The following NUP98 variants were observed in gnomAD, a reference collection of about 807,000 sequenced individuals.
NUP98 encodes nucleoporin 98 and 96 precursor.
A neutral mutation model predicts 191.9 loss-of-function variants in NUP98; 26 were observed. The ratio of observed to expected loss-of-function variants is 0.14; its 90% CI spans 0.10 to 0.19. The LOEUF (loss-of-function observed/expected upper bound fraction) is 0.19, where lower values mean the gene tolerates loss of function less well. Ranked by LOEUF, NUP98 falls within the 10% of genes least tolerant of loss-of-function variation. The probability of loss-of-function intolerance (pLI) is 1.00; values close to 1 mark genes in which losing one functional copy is unlikely to be tolerated. For synonymous variants in NUP98, 808 were observed against 778.4 expected (o/e 1.04, Z -0.63); for missense variants, 1,941 against 2,178.8 (o/e 0.89, Z 2.17).
intron 29 of NUP98, among the ~76,000 whole-genome samples, chr11:3,684,241 T>A (rs925915322): frequency 6.6e-6 from 1 of 151,256 alleles, no homozygotes; most frequent in Non-Finnish European, 1.5e-5. Flanking sequence ...AACAAACACA[T>A]AGCATTAATT....
chr11:3,740,436 G>A (rs143974499), intron 12 of NUP98, among the ~76,000 whole-genome samples: 2,268 of 151,924 alleles, frequency 0.015, 37 homozygotes, highest in Non-Finnish European at 0.026. Context: ...ACTTGAACCT[G>A]GGAGGCGAAG....
chr11:3,681,501 G>A lies in NUP98; in HGVS notation c.4918+1699C>T, dbSNP rs1212996298. Among the ~76,000 whole-genome samples, 5 of 152,312 alleles carry A rather than the reference G, an allele frequency of 3.3e-5. No homozygotes were observed. In the East Asian group the frequency reaches 9.6e-4, roughly 29 times the overall value. The stretch of plus-strand genomic sequence containing the variant: ...TGAATTACTCCTTTGCCCATGGGTT[G>A]CAGAGTAGATGTGTTAGCAGGCATA... On this transcript the variant is annotated intron_variant, in intron 30 of 32. Transcript: ENST00000324932.
At chr11:3,774,449 G>A (rs1415264774) in intron 5 of NUP98, among the ~76,000 whole-genome samples, 2 of 151,530 alleles carry the variant, frequency 1.3e-5, no homozygotes, top group African/African-American at 2.4e-5. Flanking sequence ...AACTGGCCAG[G>A]CGCAGTGGCT....
rs1056237529 is a variant in NUP98, at chr11:3,702,723, G to A, written c.3252C>T (p.Ala1084=). The change falls in exon 23 of 33, where the codon GCC becomes GCT. Residue 1084 remains alanine (A), a synonymous_variant. Transcript: ENST00000324932. ...LTSVFTMPSP[A]PEVPLKTVGT... is the part of the protein sequence containing the mutation. Reference sequence around the variant, plus strand: ...CCACTGTTTTCAACGGAACCTCAGGGGCTGGGCTGGGCATTGTGAACACAG... The same window carrying A: ...CCACTGTTTTCAACGGAACCTCAGGAGCTGGGCTGGGCATTGTGAACACAG... 1.2e-6 allele frequency: 2 copies of A among 1,614,066 alleles called. No individual in the cohort carries two copies. Among genetic ancestry groups the A allele is most frequent in the African/African-American group, 2.7e-5 (2 of 75,040 alleles).
chr11:3,749,081 G>T (rs2080629947), intron 11 of NUP98, among the ~76,000 whole-genome samples: 1 of 151,756 alleles, frequency 6.6e-6, no homozygotes, highest in Non-Finnish European at 1.5e-5. Context: ...GGCCGAGGCG[G>T]GTGGATCATG....
intron 28 of NUP98, among the ~76,000 whole-genome samples, chr11:3,687,940 T>G (rs2078178957): frequency 6.6e-6 from 1 of 152,004 alleles, no homozygotes; most frequent in South Asian, 2.1e-4. Flanking sequence ...GTACAGATGG[T>G]AAATAAGCAC....
chr11:3,701,389 G>A (rs750054658), intron 23 of NUP98, among the ~76,000 whole-genome samples: 1 of 151,272 alleles, frequency 6.6e-6, no homozygotes. Context: ...AGTCTCCTGA[G>A]TAGCTGGGAT....
At chr11:3,702,360 CTCTCTCTCTA>C (rs1375560915) in intron 23 of NUP98, 93 bp downstream of exon 23, 12 of 576,992 alleles carry the variant, frequency 2.1e-5, no homozygotes, top group South Asian at 7.8e-5. Flanking sequence ...CTCTCTCTCT[CTCTCTCTCTA>C]GAAAGATGAC....
chr11:3,726,816 C>T (rs931148579), intron 14 of NUP98, among the ~76,000 whole-genome samples: 4 of 150,406 alleles, frequency 2.7e-5, no homozygotes, highest in African/African-American at 7.4e-5. Flanking sequence ...GGCTGGAGTA[C>T]AGTGGTGGTA....
At chr11:3,755,446 C>G (rs1370468313) in intron 10 of NUP98, among the ~76,000 whole-genome samples, 1 of 151,238 alleles carries the variant, frequency 6.6e-6, no homozygotes, top group African/African-American at 2.4e-5. Flanking sequence ...GCCTGGGCAA[C>G]AGAGCAAGAC....
intron 20 of NUP98, among the ~76,000 whole-genome samples, chr11:3,708,424 T>C (rs531858814): frequency 6.6e-6 from 1 of 152,220 alleles, no homozygotes; most frequent in African/African-American, 2.4e-5. Flanking sequence ...AATAACCAGA[T>C]TAGAGACCTA....
intron 2 of NUP98, among the ~76,000 whole-genome samples, chr11:3,780,100 C>G (rs998086253): frequency 6.6e-6 from 1 of 152,066 alleles, no homozygotes; most frequent in African/African-American, 2.4e-5. Flanking sequence ...GATTCTAATT[C>G]CATAGTTTTT....
In NUP98 at chr11:3,676,504, C is replaced by T. The variant is rs189740300; in HGVS notation, c.5185+5G>A. The T allele has an allele frequency of 1.2e-6, 2 of 1,612,870 alleles. No homozygotes were observed. Among genetic ancestry groups the T allele is most frequent in the East Asian group, 4.5e-5 (2 of 44,876 alleles). ...GCAGAAAGAGTGAGGAGGTTAGAGG[C>T]TTACCTGACTGAGCCAGGCGATCTT... is the stretch of plus-strand genomic sequence containing the variant. On this transcript the variant is annotated splice_donor_5th_base_variant and intron_variant, in intron 32 of 32. Transcript: ENST00000324932.
At chr11:3,719,062 G>A (rs2079292905) in intron 18 of NUP98, among the ~76,000 whole-genome samples, 1 of 151,748 alleles carries the variant, frequency 6.6e-6, no homozygotes, top group Non-Finnish European at 1.5e-5. Flanking sequence ...GGAGGTTGCA[G>A]TGAACTGACA....
chr11:3,722,391 C>G (rs967785416), intron 16 of NUP98, among the ~76,000 whole-genome samples: 1 of 151,958 alleles, frequency 6.6e-6, no homozygotes, highest in Non-Finnish European at 1.5e-5. Context: ...GCTGAGCCAC[C>G]ACACCCAGGC....
chr11:3,757,672 G>A (rs2081019689), intron 10 of NUP98, among the ~76,000 whole-genome samples: 1 of 151,964 alleles, frequency 6.6e-6, no homozygotes, highest in Non-Finnish European at 1.5e-5. Context: ...GGTGGTGCAT[G>A]CCTGTAATCC....
Position 3,720,696 on chromosome 11 carries a change from C to G in NUP98, c.2260+16G>C, listed in dbSNP as rs146822597. On this transcript the variant is annotated intron_variant, in intron 17 of 32. Coordinates refer to ENST00000324932, the MANE Select transcript of NUP98 (RefSeq NM_016320.5). ...AACTCTCTGGCTTAATCACTAAGTGCTAAACTCACACTTACCTTTCCGACC... is the reference window on the plus strand; with the variant it reads ...AACTCTCTGGCTTAATCACTAAGTGGTAAACTCACACTTACCTTTCCGACC... 3.6e-4 allele frequency: 493 copies of G among 1,352,860 alleles called. 1 individual carries two copies. The African/African-American group carries it at 6.4e-3, about 18-fold the overall frequency. The allele number at this position is 1,352,860 out of a possible 1,614,324, so 83.8% of individuals were successfully genotyped here.
chr11:3,728,193 G>T (rs1157616110), intron 14 of NUP98, among the ~76,000 whole-genome samples: 1 of 152,176 alleles, frequency 6.6e-6, no homozygotes, highest in Non-Finnish European at 1.5e-5. Context: ...CCTAACAGGA[G>T]CAAGGAACAG....
chr11:3,755,470 GA>G (rs994286257), intron 10 of NUP98, among the ~76,000 whole-genome samples: 3 of 139,734 alleles, frequency 2.1e-5, no homozygotes, highest in Non-Finnish European at 3.2e-5. Context: ...GTCTCCAAAA[GA>G]AAAAAAAAAT....
Sources: allele counts gnomAD v4.1 joint callset (sites outside exome capture counted in the v4.1 genomes callset), GRCh38; gene constraint gnomAD v4.1.1; transcripts MANE v1.5; gene names NCBI Gene and HGNC (gene_info 2026-07-23, HGNC 2026-07-21).